Variants in CD109 observed in about 807,000 individuals in gnomAD.
The protein encoded by CD109 is CD109 antigen.
Under a neutral mutation model 165.8 loss-of-function variants are expected in CD109, and 149 were observed. The observed-to-expected ratio is 0.90, with a 90% CI of 0.79 to 1.03. The LOEUF is 1.03. Ranked by LOEUF, CD109 falls within the 50% of genes least tolerant of loss-of-function variation. The pLI is 0.00. For missense variants in CD109, 1,712 were observed against 1,677.8 expected, an observed-to-expected ratio of 1.02 and a Z score of -0.36; for synonymous variants, 585 against 592.1, an observed-to-expected ratio of 0.99 and a Z score of 0.18.
intron 5 of CD109, among the ~76,000 whole-genome samples, chr6:73,749,360 A>G (rs1369088764): frequency 6.6e-6 from 1 of 152,266 alleles, no homozygotes; most frequent in Non-Finnish European, 1.5e-5. Context: ...CAAGTCCAAG[A>G]TAGGGCTGGA....
chr6:73,795,219 A>C (rs963188803), intron 23 of CD109, among the ~76,000 whole-genome samples: 32 of 113,910 alleles, frequency 2.8e-4, no homozygotes, highest in Non-Finnish European at 5.4e-4. Flanking sequence ...ATAAGGTAAA[A>C]TATTTCAGAA....
In CD109 at chr6:73,810,288, TA is replaced by T. The variant is rs547542085; in HGVS notation, c.3546+120del. ...TATTATATAAATCATATGTTATATA[TA>T]AAAAATATTTTTAAAAGTATGTGGT... On this transcript the variant is annotated intron_variant, in intron 27 of 32. Coordinates refer to ENST00000287097, the MANE Select transcript of CD109 (RefSeq NM_133493.5). 755 of 309,674 alleles carry T rather than the reference TA, an allele frequency of 2.4e-3. 3 individuals are homozygous for T. The highest frequency in any genetic ancestry group is 4.7e-3 in the South Asian group (34 of 7,220). 19.2% of individuals were successfully genotyped at this position (309,674 alleles called of 1,614,324 possible).
At chr6:73,705,287 A>G (rs1305914839) in intron 2 of CD109, among the ~76,000 whole-genome samples, 1 of 152,212 alleles carries the variant, frequency 6.6e-6, no homozygotes, top group African/African-American at 2.4e-5. Context: ...CAAGAGAGAC[A>G]GAGCTCATGG....
chr6:73,713,784 A>G (rs1771620140), intron 2 of CD109, among the ~76,000 whole-genome samples: 1 of 152,226 alleles, frequency 6.6e-6, no homozygotes, highest in African/African-American at 2.4e-5. Context: ...AAATCTGTTT[A>G]GCTTGTTTTG....
intron 25 of CD109, 103 bp from the exon 26 acceptor site, chr6:73,807,980 C>A: frequency 1.0e-6 from 1 of 956,932 alleles, no homozygotes. Context: ...ACTTCATAGA[C>A]ACTGAACTTA....
chr6:73,707,953 T>A (rs1334720227), intron 2 of CD109, among the ~76,000 whole-genome samples: 3 of 140,200 alleles, frequency 2.1e-5, no homozygotes, highest in Admixed American at 7.2e-5. Flanking sequence ...TGATTTAAAA[T>A]TGTTATCTTT....
At chr6:73,803,065 G>A (rs1410127415) in intron 23 of CD109, among the ~76,000 whole-genome samples, 155 bp from the exon 24 acceptor site, 1 of 152,042 alleles carries the variant, frequency 6.6e-6, no homozygotes, top group South Asian at 2.1e-4. Flanking sequence ...ATTTCCAACA[G>A]CACTTAAAAT....
intron 10 of CD109, 52 bp from the exon 11 acceptor site, chr6:73,765,878 T>C: frequency 7.8e-7 from 1 of 1,281,462 alleles, no homozygotes; most frequent in South Asian, 1.3e-5. Context: ...AAACTGTATT[T>C]AATCGTACTT....
At chr6:73,780,355 A>G (rs1021110626) in intron 15 of CD109, 69 bp from the exon 16 acceptor site, 2 of 918,460 alleles carry the variant, frequency 2.2e-6, no homozygotes, top group Admixed American at 1.7e-5. Context: ...GTCTTATCTA[A>G]GTTACTTGGA....
chr6:73,755,659 C>T (rs942546737), intron 5 of CD109, among the ~76,000 whole-genome samples: 5 of 151,886 alleles, frequency 3.3e-5, no homozygotes, highest in African/African-American at 4.8e-5. Flanking sequence ...TTAGAATGAG[C>T]GATTTAGAAA....
At chr6:73,690,052 C>A in the CD109 span, among the ~76,000 whole-genome samples, 1 of 152,134 alleles carries the variant, frequency 6.6e-6, no homozygotes, top group Non-Finnish European at 1.5e-5. Context: ...TCAGTGTTTG[C>A]TTTTCCCTTG....
intron 23 of CD109, among the ~76,000 whole-genome samples, chr6:73,799,009 C>CT (rs1775271895): frequency 6.6e-6 from 1 of 151,966 alleles, no homozygotes; most frequent in African/African-American, 2.4e-5. Context: ...TCCTTTTCCT[C>CT]TTTTTTCTTA....
chr6:73,701,666 T>A (rs1030382619), intron 2 of CD109, among the ~76,000 whole-genome samples: 2 of 152,244 alleles, frequency 1.3e-5, no homozygotes, highest in Non-Finnish European at 2.9e-5. Context: ...AATTTGACAT[T>A]TTCATTTGTA....
intron 5 of CD109, among the ~76,000 whole-genome samples, chr6:73,747,923 T>C (rs1202945573): frequency 2.6e-5 from 4 of 151,776 alleles, no homozygotes; most frequent in African/African-American, 7.3e-5. Context: ...TCTTGCTCTG[T>C]CACCCAGGCA....
intron 5 of CD109, among the ~76,000 whole-genome samples, chr6:73,744,333 T>C (rs1441765782): frequency 2.6e-5 from 4 of 152,254 alleles, no homozygotes; most frequent in Admixed American, 2.6e-4. Flanking sequence ...GAGCTTCTTC[T>C]AGATGATTGC....
intron 23 of CD109, among the ~76,000 whole-genome samples, chr6:73,796,485 C>T (rs10805980): frequency 0.6 from 91,176 of 151,772 alleles, 28,378 homozygotes; most frequent in East Asian, 0.84. Context: ...TTAGTAACTC[C>T]AATTTGTACT....
chr6:73,794,798 T>C (rs575962154), intron 23 of CD109, among the ~76,000 whole-genome samples: 1 of 152,292 alleles, frequency 6.6e-6, no homozygotes, highest in South Asian at 2.1e-4. Flanking sequence ...TTAGGTCCTC[T>C]GGGATATTTG....
intron 3 of CD109, among the ~76,000 whole-genome samples, chr6:73,728,021 T>C (rs1772203847): frequency 6.6e-6 from 1 of 152,144 alleles, no homozygotes; most frequent in Non-Finnish European, 1.5e-5. Context: ...CAAAGGGTGC[T>C]CAATAAATAC....
intron 29 of CD109, among the ~76,000 whole-genome samples, chr6:73,813,785 T>C (rs1297933428): frequency 6.6e-6 from 1 of 152,100 alleles, no homozygotes; most frequent in East Asian, 1.9e-4. Context: ...AATACTTAGT[T>C]ATGGATGGGC....
Sources: gnomAD v4.1 joint callset for allele counts (sites outside exome capture counted in the v4.1 genomes callset) on GRCh38, gnomAD v4.1.1 for gene constraint, MANE v1.5 for transcripts, NCBI Gene and HGNC (gene_info 2026-07-23, HGNC 2026-07-21) for gene names.